MTCH2: variants seen among roughly 807,000 people sequenced by gnomAD.
MTCH2 encodes the protein mitochondrial carrier 2.
Under a neutral mutation model 50.6 loss-of-function variants are expected in MTCH2, and 25 were observed. The ratio of observed to expected loss-of-function variants is 0.49; its 90% CI spans 0.36 to 0.69. The LOEUF (loss-of-function observed/expected upper bound fraction) is 0.69, where lower values mean the gene tolerates loss of function less well. MTCH2 is among the 30% of genes least tolerant of loss of function. The pLI, the probability that MTCH2 is intolerant of heterozygous loss-of-function variation, is 0.00. For synonymous variants in MTCH2, 106 were observed against 132.0 expected (o/e 0.80, Z 1.35); for missense variants, 273 against 384.4 (o/e 0.71, Z 2.42).
chr11:47,622,098 A>G (rs1007556055), intron 12 of MTCH2, among the ~76,000 whole-genome samples: 13 of 151,996 alleles, frequency 8.6e-5, no homozygotes, highest in African/African-American at 3.1e-4. Flanking sequence ...TCCTAGGCTC[A>G]AGCAATTTGC....
At chr11:47,639,433 G>A (rs1227210912) in intron 1 of MTCH2, among the ~76,000 whole-genome samples, 1 of 152,194 alleles carries the variant, frequency 6.6e-6, no homozygotes, top group Non-Finnish European at 1.5e-5. Flanking sequence ...CATCCATTAC[G>A]CCAGCATCAG....
rs1331053285 is a variant in MTCH2 at position 47,637,157 on chromosome 11, C to T, written c.279+1542G>A. 2.0e-5 allele frequency among the ~76,000 whole-genome samples: 3 copies of T among 152,096 alleles called. No homozygotes were observed. The South Asian group carries it at 6.2e-4, about 32-fold the overall frequency. ...TGCGCCCACCACCACGCCTGGCTAA[C>T]ATCTGTATTTTTAGTAGAGACAGTG... is the stretch of plus-strand genomic sequence containing the variant. On this transcript the variant is annotated intron_variant, in intron 3 of 12. Coordinates refer to ENST00000302503, the MANE Select transcript of MTCH2 (RefSeq NM_014342.4).
chr11:47,615,791 C>T (rs111635789), downstream of MTCH2, among the ~76,000 whole-genome samples: 3 of 151,760 alleles, frequency 2.0e-5, no homozygotes, highest in African/African-American at 4.8e-5. Flanking sequence ...CGCCACCACG[C>T]CTAATTTTTG....
At chr11:47,612,474 G>A (rs1460899547), downstream of MTCH2, among the ~76,000 whole-genome samples, 8 of 152,078 alleles carry the variant, frequency 5.3e-5, no homozygotes, top group Non-Finnish European at 1.2e-4. Flanking sequence ...GGCTGACGCA[G>A]AATGGTGTGA....
At chr11:47,642,087 TGAC>T (rs2097314734) in intron 1 of MTCH2, among the ~76,000 whole-genome samples, 1 of 151,784 alleles carries the variant, frequency 6.6e-6, no homozygotes, top group African/African-American at 2.4e-5. Flanking sequence ...TCCACCTCAG[TGAC>T]GAAGAACCAA....
chr11:47,631,430 C>CA (rs994973526), intron 6 of MTCH2, among the ~76,000 whole-genome samples: 20 of 148,974 alleles, frequency 1.3e-4, no homozygotes, highest in Admixed American at 3.4e-4. Context: ...AACAAACAAA[C>CA]AAAAAAAAAC....
intron 9 of MTCH2, 114 bp from the exon 10 acceptor site, chr11:47,627,241 G>GTC: frequency 1.4e-6 from 1 of 723,840 alleles, no homozygotes; most frequent in Non-Finnish European, 2.2e-6. Context: ...GCCTCACTCT[G>GTC]TCACCCAGGC....
the MTCH2 span, among the ~76,000 whole-genome samples, chr11:47,611,121 G>C: frequency 1.3e-5 from 2 of 152,216 alleles, no homozygotes; most frequent in Non-Finnish European, 2.9e-5. Context: ...CTGCCTCCCT[G>C]TCAGTGGACA....
At chr11:47,635,415 A>C in intron 4 of MTCH2, 130 bp downstream of exon 4, 1 of 1,005,802 alleles carries the variant, frequency 9.9e-7, no homozygotes, top group South Asian at 1.4e-5. Context: ...ACTGGTGGCC[A>C]CCCCATAGGA....
downstream of MTCH2, among the ~76,000 whole-genome samples, chr11:47,616,906 A>T (rs1436003382): frequency 6.6e-6 from 1 of 152,024 alleles, no homozygotes; most frequent in Non-Finnish European, 1.5e-5. Context: ...ATGGTCTCGA[A>T]TTCTCGACCT....
chr11:47,615,852 C>T (rs968894712), downstream of MTCH2, among the ~76,000 whole-genome samples: 17 of 151,492 alleles, frequency 1.1e-4, no homozygotes, highest in African/African-American at 4.1e-4. Context: ...TCTCAAATTC[C>T]TGACCTCATG....
chr11:47,642,131 C>A (rs1180011982), intron 1 of MTCH2, among the ~76,000 whole-genome samples: 1 of 152,072 alleles, frequency 6.6e-6, no homozygotes, highest in Non-Finnish European at 1.5e-5. Flanking sequence ...CAGGGCAGGG[C>A]CGGGTGGCGG....
chr11:47,617,602 C>T lies in MTCH2; in HGVS notation c.*1231G>A, dbSNP rs2097289362. On this transcript the variant is annotated 3_prime_UTR_variant, in exon 13 of 13. Coordinates refer to ENST00000302503, the MANE Select transcript of MTCH2 (RefSeq NM_014342.4). ...TCAGAAGCAGCGAATTAAGTGCTTA[C>T]TCATTTGGCAATGTCCCAGTGAGTT... is the stretch of plus-strand genomic sequence containing the variant. The T allele has an allele frequency of 6.6e-6, 1 of 152,616 alleles. No individual in the cohort carries two copies. The highest frequency in any genetic ancestry group is 2.4e-5 in the African/African-American group (1 of 41,454). The allele number at this position is 152,616 out of a possible 1,614,324, so 9.5% of individuals were successfully genotyped here. A position where few individuals can be genotyped will look rare whatever the true frequency, so the allele number is the denominator to read the frequency against.
intron 5 of MTCH2, among the ~76,000 whole-genome samples, chr11:47,634,180 A>G (rs537189756): frequency 4.6e-5 from 7 of 152,268 alleles, no homozygotes; most frequent in East Asian, 1.9e-4. Flanking sequence ...GGCTTAAGTC[A>G]TCTTCTCACC....
the MTCH2 span, among the ~76,000 whole-genome samples, chr11:47,611,942 T>C: frequency 6.6e-6 from 1 of 152,150 alleles, no homozygotes; most frequent in Non-Finnish European, 1.5e-5. Context: ...CTTATAATCA[T>C]GGGACACTGG....
chr11:47,611,214 C>A, the MTCH2 span, among the ~76,000 whole-genome samples: 1 of 152,244 alleles, frequency 6.6e-6, no homozygotes, highest in African/African-American at 2.4e-5. Context: ...AAGCTACTCA[C>A]TTAATGACTG....
At chr11:47,634,236 C>T (rs2097306387) in intron 5 of MTCH2, among the ~76,000 whole-genome samples, 1 of 152,120 alleles carries the variant, frequency 6.6e-6, no homozygotes, top group Non-Finnish European at 1.5e-5. Context: ...CCACCACACA[C>T]CTAGCTAATT....
intron 5 of MTCH2, among the ~76,000 whole-genome samples, chr11:47,634,359 C>T (rs545677232): frequency 2.0e-5 from 3 of 152,184 alleles, no homozygotes; most frequent in East Asian, 1.9e-4. Context: ...GGATTACAGG[C>T]GTGAGCCACC....
chr11:47,637,566 G>A (rs1205833301), intron 3 of MTCH2, among the ~76,000 whole-genome samples: 2 of 152,072 alleles, frequency 1.3e-5, no homozygotes, highest in Admixed American at 6.6e-5. Context: ...ATTCTTGCAA[G>A]AGGAATTTTT....
Sources: gnomAD v4.1 joint callset for allele counts (sites outside exome capture counted in the v4.1 genomes callset) on GRCh38, gnomAD v4.1.1 for gene constraint, MANE v1.5 for transcripts, NCBI Gene and HGNC (gene_info 2026-07-23, HGNC 2026-07-21) for gene names.